MANBAL: variants seen among roughly 807,000 people sequenced by gnomAD.
MANBAL encodes the protein mannosidase beta like, also known as protein MANBAL.
A neutral mutation model predicts 6.4 loss-of-function variants in MANBAL; 1 was observed. That is an observed-to-expected ratio of 0.16 (90% confidence interval 0.06 to 0.74). MANBAL has a LOEUF of 0.74. MANBAL is among the 30% of genes least tolerant of loss of function. MANBAL has a pLI of 0.78. For synonymous variants in MANBAL, 47 were observed against 45.8 expected (o/e 1.03, Z -0.10); for missense variants, 100 against 107.8 (o/e 0.93, Z 0.32).
chr20:37,312,035 C>T (rs183615864), intron 2 of MANBAL, among the ~76,000 whole-genome samples: 1 of 152,206 alleles, frequency 6.6e-6, no homozygotes, highest in East Asian at 1.9e-4. Flanking sequence ...TCATAAATGA[C>T]TTGGAGGTAT....
intron 2 of MANBAL, among the ~76,000 whole-genome samples, chr20:37,306,846 A>C (rs2069270874): frequency 6.6e-6 from 1 of 152,162 alleles, no homozygotes; most frequent in African/African-American, 2.4e-5. Flanking sequence ...CGGTCCTTGG[A>C]CTGGCCAATG....
At chr20:37,300,444 T>G (rs934151229) in intron 1 of MANBAL, among the ~76,000 whole-genome samples, 1 of 152,244 alleles carries the variant, frequency 6.6e-6, no homozygotes, top group African/African-American at 2.4e-5. Flanking sequence ...TCCAAAATGC[T>G]TATCACTACC....
At chr20:37,303,374 CAG>C (rs1382120145) in intron 2 of MANBAL, among the ~76,000 whole-genome samples, 1 of 152,126 alleles carries the variant, frequency 6.6e-6, no homozygotes, top group African/African-American at 2.4e-5. Flanking sequence ...TTTCAATAAA[CAG>C]AAATAGAAAA....
intron 2 of MANBAL, among the ~76,000 whole-genome samples, chr20:37,303,802 C>A (rs1391442935): frequency 1.3e-5 from 2 of 152,214 alleles, no homozygotes; most frequent in African/African-American, 4.8e-5. Context: ...GTGCCCACAT[C>A]TCTTACTGAG....
chr20:37,309,541 C>G (rs967618162), intron 2 of MANBAL, among the ~76,000 whole-genome samples: 1 of 152,200 alleles, frequency 6.6e-6, no homozygotes, highest in Non-Finnish European at 1.5e-5. Context: ...GGACTCGCCA[C>G]GGGCGATGGT....
chr20:37,299,546 C>G (rs746065603), intron 1 of MANBAL, among the ~76,000 whole-genome samples: 11 of 152,226 alleles, frequency 7.2e-5, no homozygotes, highest in Non-Finnish European at 1.3e-4. Context: ...ATAGCTCAGA[C>G]TTAGCAAAAT....
At chr20:37,306,757 G>C (rs751466661) in intron 2 of MANBAL, among the ~76,000 whole-genome samples, 1 of 152,184 alleles carries the variant, frequency 6.6e-6, no homozygotes, top group African/African-American at 2.4e-5. Flanking sequence ...GATTCTGGGG[G>C]CTGCTGCTTT....
At chr20:37,302,946 T>A (rs904818542) in intron 2 of MANBAL, among the ~76,000 whole-genome samples, 16 of 152,152 alleles carry the variant, frequency 1.1e-4, no homozygotes, top group African/African-American at 3.9e-4. Flanking sequence ...CAGGGTCTTG[T>A]CTGTTGCCCA....
chr20:37,310,311 C>A (rs2069355123), intron 2 of MANBAL, among the ~76,000 whole-genome samples: 1 of 152,258 alleles, frequency 6.6e-6, no homozygotes, highest in Non-Finnish European at 1.5e-5. Flanking sequence ...CAGCTCCCAC[C>A]CTGTCTCAGG....
At chr20:37,308,369 G>A (rs552946072) in intron 2 of MANBAL, among the ~76,000 whole-genome samples, 3 of 152,288 alleles carry the variant, frequency 2.0e-5, no homozygotes, top group Non-Finnish European at 4.4e-5. Context: ...CCTCCCTGAA[G>A]TCCACCGAGT....
intron 2 of MANBAL, among the ~76,000 whole-genome samples, chr20:37,310,351 C>T (rs1334646634): frequency 6.6e-6 from 1 of 152,248 alleles, no homozygotes; most frequent in Non-Finnish European, 1.5e-5. Context: ...TGGGCAGCAC[C>T]TTCAGCGTTA....
intron 2 of MANBAL, among the ~76,000 whole-genome samples, chr20:37,311,081 C>G (rs1369145708): frequency 2.0e-5 from 3 of 152,226 alleles, no homozygotes; most frequent in Admixed American, 1.3e-4. Context: ...CTCAGGGAGC[C>G]TGAGTGGCCT....
intron 1 of MANBAL, 61 bp downstream of exon 1, chr20:37,289,747 G>A (rs1051146770): frequency 5.3e-5 from 8 of 152,322 alleles, no homozygotes; most frequent in African/African-American, 1.9e-4. Flanking sequence ...CGGTGCGGTG[G>A]CCTGGCTTTC....
intron 2 of MANBAL, among the ~76,000 whole-genome samples, chr20:37,307,712 G>T (rs1446856715): frequency 6.6e-6 from 1 of 151,252 alleles, no homozygotes; most frequent in East Asian, 1.9e-4. Context: ...AGCTGAGATT[G>T]TGCCACTGCA....
rs543282984 is a variant in MANBAL, at chr20:37,306,506, C to T, written c.150+5093C>T. ...AAATCAAAAACCAAGTCCCTAGAAT[C>T]GTAAGCCAAATGAAAAGGTTTTCTC... On this transcript the variant is annotated intron_variant, in intron 2 of 2. Coordinates refer to ENST00000373606, the MANE Select transcript of MANBAL (RefSeq NM_001003897.2). 5.9e-5 allele frequency among the ~76,000 whole-genome samples: 9 copies of T among 152,322 alleles called. No homozygotes were observed. In the South Asian group the frequency reaches 1.2e-3, roughly 21 times the overall value.
chr20:37,304,480 CAA>C (rs1568601629), intron 2 of MANBAL, among the ~76,000 whole-genome samples: 2 of 152,110 alleles, frequency 1.3e-5, no homozygotes, highest in African/African-American at 4.8e-5. Flanking sequence ...AAAACAGTAA[CAA>C]ATGCATATAT....
At chr20:37,301,116 A>G (rs1186295426) in intron 1 of MANBAL, 92 bp from the exon 2 acceptor site, 1 of 781,102 alleles carries the variant, frequency 1.3e-6, no homozygotes, top group Non-Finnish European at 1.7e-6. Flanking sequence ...AGCCTGGGCG[A>G]CAGAGTGAGA....
chr20:37,305,472 T>A (rs1468538946), intron 2 of MANBAL, among the ~76,000 whole-genome samples: 1 of 152,162 alleles, frequency 6.6e-6, no homozygotes, highest in African/African-American at 2.4e-5. Flanking sequence ...GTTAAAGTCT[T>A]TTGAGGCAGG....
intron 2 of MANBAL, among the ~76,000 whole-genome samples, chr20:37,305,584 A>AAATTTAAATTT: frequency 6.6e-6 from 1 of 152,266 alleles, no homozygotes; most frequent in East Asian, 1.9e-4. Flanking sequence ...ATTTAAATAT[A>AAATTTAAATTT]GTACATGACA....
Sources: allele counts gnomAD v4.1 joint callset (sites outside exome capture counted in the v4.1 genomes callset), GRCh38; gene constraint gnomAD v4.1.1; transcripts MANE v1.5; gene names NCBI Gene and HGNC (gene_info 2026-07-23, HGNC 2026-07-21).